Variants in KLHL13 observed in about 807,000 individuals in gnomAD.
KLHL13 encodes kelch-like protein 13.
In KLHL13, 10 loss-of-function variants were observed where a neutral mutation model predicts 37.1. The observed-to-expected ratio is 0.27, with a 90% CI of 0.17 to 0.46. KLHL13 has a LOEUF of 0.46. Ranked by LOEUF, KLHL13 falls within the 20% of genes least tolerant of loss-of-function variation. KLHL13 has a pLI of 1.00. For missense variants in KLHL13, 360 were observed against 509.3 expected (o/e 0.71, Z 2.82); for synonymous variants, 163 against 181.2 (o/e 0.90, Z 0.81).
chrX:118,098,255 G>C (rs1158975522), intron 1 of KLHL13, among the ~76,000 whole-genome samples: 3 of 111,910 alleles, frequency 2.7e-5, no homozygotes, highest in Non-Finnish European at 3.8e-5. Context: ...CCATCAAAAA[G>C]TGGGCAAAGG....
chrX:117,963,457 C>T (rs990100551), intron 1 of KLHL13, among the ~76,000 whole-genome samples: 1 of 111,814 alleles, frequency 8.9e-6, no homozygotes, highest in African/African-American at 3.3e-5. Flanking sequence ...TAAAAAGACA[C>T]TATGAACTTT....
intron 2 of KLHL13, among the ~76,000 whole-genome samples, chrX:117,929,805 CTTAAA>C (rs1399040489): frequency 1.3e-4 from 10 of 75,119 alleles, no homozygotes; most frequent in Non-Finnish European, 2.0e-4. Flanking sequence ...AAAAAAAAAA[CTTAAA>C]TTAAATTAGT....
chrX:117,922,995 G>A (rs1234508422), intron 2 of KLHL13, among the ~76,000 whole-genome samples: 1 of 111,696 alleles, frequency 9.0e-6, no homozygotes, highest in Admixed American at 9.5e-5. Context: ...AAATTCACTT[G>A]AGCAGATAAC....
intron 1 of KLHL13, among the ~76,000 whole-genome samples, chrX:118,023,036 TC>T (rs762021320): frequency 1.8e-5 from 2 of 112,081 alleles, no homozygotes; most frequent in South Asian, 7.4e-4. Context: ...TGGTATGTAA[TC>T]CATTTTGCGT....
chrX:118,078,340 T>C (rs953398260), intron 1 of KLHL13, among the ~76,000 whole-genome samples: 1 of 111,679 alleles, frequency 9.0e-6, no homozygotes, highest in Non-Finnish European at 1.9e-5. Context: ...ATAATAGTCA[T>C]AATTACAACC....
At chrX:118,022,044 G>A (rs2054221820) in intron 1 of KLHL13, among the ~76,000 whole-genome samples, 3 of 112,128 alleles carry the variant, frequency 2.7e-5, no homozygotes, top group Middle Eastern at 9.2e-3. Context: ...CTTTTGAGAA[G>A]TGTCTGTTCA....
At chrX:117,994,472 G>C (rs1046978673) in intron 1 of KLHL13, among the ~76,000 whole-genome samples, 4 of 110,497 alleles carry the variant, frequency 3.6e-5, no homozygotes, top group Non-Finnish European at 5.7e-5. Context: ...GGCTGGTCTT[G>C]AACTCCAGGT....
chrX:118,031,749 G>A (rs1039030628), intron 1 of KLHL13, among the ~76,000 whole-genome samples: 10 of 105,686 alleles, frequency 9.5e-5, no homozygotes, highest in East Asian at 8.8e-4. Flanking sequence ...CAAGATGGCC[G>A]AATAGGAACA....
chrX:117,991,872 T>TCA (rs1475697413), intron 1 of KLHL13, among the ~76,000 whole-genome samples: 1 of 107,151 alleles, frequency 9.3e-6, no homozygotes, highest in Non-Finnish European at 1.9e-5. Context: ...TCTCTCTCTC[T>TCA]CTCTCTCTCT....
chrX:118,086,916 A>G, intron 1 of KLHL13, among the ~76,000 whole-genome samples: 1 of 111,538 alleles, frequency 9.0e-6, no homozygotes, highest in Non-Finnish European at 1.9e-5. Context: ...TGTACCTATG[A>G]TGAAATACAA....
intron 1 of KLHL13, among the ~76,000 whole-genome samples, chrX:118,109,876 G>A (rs1241700862): frequency 1.8e-5 from 2 of 110,640 alleles, no homozygotes; most frequent in Non-Finnish European, 3.8e-5. Context: ...CCACAAAACC[G>A]AAGGAAAAAA....
chrX:118,102,028 G>C lies in KLHL13; in HGVS notation c.-56+14480C>G, dbSNP rs1194225045. On this transcript the variant is annotated intron_variant, in intron 1 of 6. Coordinates refer to the KLHL13 transcript ENST00000371882. ...GCAAGTACAAATGTGTGGTAAGAGA[G>C]CATGGCTAGTTTGGGGAAGTCCAAG... Among the ~76,000 whole-genome samples the C allele has an allele frequency of 2.5e-4, 28 of 111,801 alleles. No individual in the cohort carries two copies. In the Admixed American group the frequency reaches 2.6e-3, roughly 10 times the overall value.
At chrX:118,025,937 A>T (rs974088976) in intron 1 of KLHL13, among the ~76,000 whole-genome samples, 6 of 111,793 alleles carry the variant, frequency 5.4e-5, no homozygotes, top group African/African-American at 2.0e-4. Flanking sequence ...AGTAGAAGAG[A>T]TGAGCAGAAA....
intron 5 of KLHL13, among the ~76,000 whole-genome samples, chrX:117,908,862 G>A: frequency 8.9e-6 from 1 of 112,136 alleles, no homozygotes; most frequent in East Asian, 2.8e-4. Flanking sequence ...GCCACTAATA[G>A]GTAACATATT....
chrX:117,943,710 T>C (rs1302748810), intron 2 of KLHL13, among the ~76,000 whole-genome samples: 1 of 109,324 alleles, frequency 9.1e-6, no homozygotes, highest in Non-Finnish European at 1.9e-5. Flanking sequence ...AACTGGTTAT[T>C]CTAGTTAGCA....
At position 117,988,513 on chromosome X, in the gene KLHL13, T is replaced by C. The variant is rs183834281; in HGVS notation, c.-55-42938A>G. ...GAAGGGTTAGCCAGGAGTATTTATA[T>C]TGGAAGCAATTGCTCATGCTCCTAT... On this transcript the variant is annotated intron_variant, in intron 1 of 6. Coordinates refer to the KLHL13 transcript ENST00000371882. 3.8e-3 allele frequency among the ~76,000 whole-genome samples: 426 copies of C among 111,983 alleles called. 2 individuals carry two copies. The highest frequency in any genetic ancestry group is 0.012 in the African/African-American group (367 of 30,921).
chrX:117,907,920 G>C (rs1001936423), intron 5 of KLHL13, among the ~76,000 whole-genome samples: 2 of 110,814 alleles, frequency 1.8e-5, no homozygotes, highest in Non-Finnish European at 3.8e-5. Flanking sequence ...AAATAGCTTA[G>C]TCTCAAATAC....
chrX:118,046,307 T>A (rs2054559088), intron 1 of KLHL13, among the ~76,000 whole-genome samples: 1 of 112,181 alleles, frequency 8.9e-6, no homozygotes, highest in African/African-American at 3.2e-5. Context: ...AAACTTCACA[T>A]GTTCTCACTT....
intron 1 of KLHL13, among the ~76,000 whole-genome samples, chrX:117,994,359 T>C (rs767408502): frequency 9.1e-6 from 1 of 110,461 alleles, no homozygotes; most frequent in East Asian, 2.9e-4. Flanking sequence ...GCTCAAGTGA[T>C]CCTCCCACCT....
Sources: gnomAD v4.1 joint callset for allele counts (sites outside exome capture counted in the v4.1 genomes callset) on GRCh38, gnomAD v4.1.1 for gene constraint, MANE v1.5 for transcripts, NCBI Gene and HGNC (gene_info 2026-07-23, HGNC 2026-07-21) for gene names.